DENND2B: variants seen among roughly 807,000 people sequenced by gnomAD.
The protein encoded by DENND2B is DENN domain-containing protein 2B.
Under a neutral mutation model 116.0 loss-of-function variants are expected in DENND2B, and 32 were observed. The observed-to-expected ratio is 0.28, with a 90% CI of 0.21 to 0.37. The LOEUF is 0.37. DENND2B is among the 10% of genes least tolerant of loss of function. DENND2B has a pLI of 1.00. For synonymous variants in DENND2B, 588 were observed against 583.9 expected (o/e 1.01, Z -0.10); for missense variants, 1,276 against 1,477.7 (o/e 0.86, Z 2.24).
chr11:8,873,877 G>A (rs1032909568), upstream of DENND2B, among the ~76,000 whole-genome samples: 22 of 152,114 alleles, frequency 1.4e-4, no homozygotes, highest in African/African-American at 4.6e-4. Flanking sequence ...AAGGATACTA[G>A]CAACAAAAAA....
At chr11:8,771,309 C>A (rs1047663298) in intron 1 of DENND2B, among the ~76,000 whole-genome samples, 1 of 151,892 alleles carries the variant, frequency 6.6e-6, no homozygotes, top group Non-Finnish European at 1.5e-5. Context: ...CTATGGGGAA[C>A]AGTATATACA....
At chr11:8,749,691 T>C (rs939664042) in intron 2 of DENND2B, among the ~76,000 whole-genome samples, 3 of 152,230 alleles carry the variant, frequency 2.0e-5, no homozygotes, top group African/African-American at 7.2e-5. Context: ...CACAGCCAGA[T>C]ATCCAGGAAT....
At chr11:8,725,550 A>G (rs893213428) in intron 4 of DENND2B, among the ~76,000 whole-genome samples, 1 of 151,712 alleles carries the variant, frequency 6.6e-6, no homozygotes, top group Non-Finnish European at 1.5e-5. Context: ...AATTTTTTGT[A>G]TTTTTAGTAG....
intron 1 of DENND2B, among the ~76,000 whole-genome samples, chr11:8,762,225 T>G (rs1176535936): frequency 1.3e-5 from 2 of 152,216 alleles, no homozygotes; most frequent in African/African-American, 4.8e-5. Context: ...TTTATAACTC[T>G]GGCCCCATTT....
At chr11:8,799,113 C>T (rs776683552) in intron 1 of DENND2B, among the ~76,000 whole-genome samples, 2 of 152,208 alleles carry the variant, frequency 1.3e-5, no homozygotes, top group Non-Finnish European at 2.9e-5. Context: ...TGAGCCATTG[C>T]ACCCTGCCCT....
chr11:8,855,452 C>T (rs2063161957), intron 3 of DENND2B, among the ~76,000 whole-genome samples: 1 of 151,018 alleles, frequency 6.6e-6, no homozygotes, highest in African/African-American at 2.4e-5. Flanking sequence ...ATTTTCCCAT[C>T]ATCTAGAGAG....
exon 3 of DENND2B, chr11:8,857,421 C>T (rs1404050327): frequency 3.3e-5 from 5 of 152,154 alleles, no homozygotes; most frequent in African/African-American, 1.2e-4. Flanking sequence ...CTATACTATC[C>T]ATTCTGTCAC....
Position 8,699,021 on chromosome 11 carries a change from C to T in DENND2B, c.2899-47G>A, listed in dbSNP as rs368594910. On this transcript the variant is annotated intron_variant, in intron 15 of 19. Coordinates refer to ENST00000313726, the MANE Select transcript of DENND2B (RefSeq NM_213618.2). ...AGAGTGGCTCAGGGCATGAGTCCCGCAATGCCCTCTGCCAGGCCTCCAGAC... is the reference window on the plus strand; with the variant it reads ...AGAGTGGCTCAGGGCATGAGTCCCGTAATGCCCTCTGCCAGGCCTCCAGAC... 84 of 1,607,732 alleles carry T rather than the reference C, an allele frequency of 5.2e-5. No homozygotes were observed. In the African/African-American group the frequency reaches 1.0e-3, roughly 19 times the overall value.
chr11:8,859,877 T>C (rs2063335992), intron 2 of DENND2B, among the ~76,000 whole-genome samples: 1 of 152,000 alleles, frequency 6.6e-6, no homozygotes, highest in Non-Finnish European at 1.5e-5. Context: ...GTGAACAAAG[T>C]TTTCTGTCTC....
intron 1 of DENND2B, among the ~76,000 whole-genome samples, chr11:8,897,095 T>G (rs970216157): frequency 6.6e-6 from 1 of 151,910 alleles, no homozygotes; most frequent in Non-Finnish European, 1.5e-5. Context: ...AAAAAAATTT[T>G]TTTTTTTAAA....
At chr11:8,878,451 G>A (rs967683473) in intron 2 of DENND2B, among the ~76,000 whole-genome samples, 3 of 151,180 alleles carry the variant, frequency 2.0e-5, no homozygotes, top group African/African-American at 4.9e-5. Flanking sequence ...GTGCAATGGC[G>A]CGATCTCAGC....
chr11:8,818,974 A>G (rs1235100893), intron 4 of DENND2B, among the ~76,000 whole-genome samples: 1 of 152,232 alleles, frequency 6.6e-6, no homozygotes, highest in Non-Finnish European at 1.5e-5. Context: ...TAATACTTTT[A>G]TATTACTTAA....
chr11:8,701,204 T>C (rs2041536317), intron 14 of DENND2B, among the ~76,000 whole-genome samples: 1 of 152,156 alleles, frequency 6.6e-6, no homozygotes, highest in Admixed American at 6.5e-5. Context: ...CCACCCAACA[T>C]GGCAATTCCC....
chr11:8,751,125 A>G (rs1330033599), intron 1 of DENND2B, among the ~76,000 whole-genome samples: 1 of 151,034 alleles, frequency 6.6e-6, no homozygotes, highest in Non-Finnish European at 1.5e-5. Flanking sequence ...AGCACTCTGC[A>G]TCTAGCTCAA....
At chr11:8,786,705 G>C (rs3844099) in intron 1 of DENND2B, among the ~76,000 whole-genome samples, 89,672 of 152,000 alleles carry the variant, frequency 0.59, 27,254 homozygotes, top group East Asian at 0.66. Context: ...AGCTACTCAG[G>C]AGGCTGAGGC....
chr11:8,910,640 TG>T (rs2064307359), intron 1 of DENND2B, among the ~76,000 whole-genome samples: 1 of 97,282 alleles, frequency 1.0e-5, no homozygotes, highest in Non-Finnish European at 2.4e-5. Flanking sequence ...CTAGTGTGTG[TG>T]TGTGTGTGTG....
At chr11:8,718,810 G>A (rs2045594544) in intron 4 of DENND2B, 1 of 1,002,724 alleles carries the variant, frequency 1.0e-6, no homozygotes, top group Non-Finnish European at 1.2e-6. Context: ...AAGATGTTGA[G>A]TGGCACTCCT....
intron 16 of DENND2B, among the ~76,000 whole-genome samples, chr11:8,698,375 T>G (rs2040839443): frequency 6.6e-6 from 1 of 152,186 alleles, no homozygotes. Context: ...CACATCACTA[T>G]GCCTGGTACC....
intron 2 of DENND2B, chr11:8,870,757 G>C (rs560472089): frequency 6.6e-6 from 1 of 152,450 alleles, no homozygotes; most frequent in South Asian, 2.1e-4. Flanking sequence ...AGAGCCGGCG[G>C]CTACTGACCG....
Sources: gnomAD v4.1 joint callset for allele counts (sites outside exome capture counted in the v4.1 genomes callset) on GRCh38, gnomAD v4.1.1 for gene constraint, MANE v1.5 for transcripts, NCBI Gene and HGNC (gene_info 2026-07-23, HGNC 2026-07-21) for gene names.